Variants in ABI3BP observed in about 807,000 individuals in gnomAD.
ABI3BP encodes the protein target of Nesh-SH3.
Under a neutral mutation model 268.6 loss-of-function variants are expected in ABI3BP, and 216 were observed. The observed-to-expected ratio is 0.80, with a 90% CI of 0.72 to 0.90. The LOEUF (loss-of-function observed/expected upper bound fraction) is 0.90. Ranked by LOEUF, ABI3BP falls within the 40% of genes least tolerant of loss-of-function variation. ABI3BP has a pLI of 0.00. For synonymous variants in ABI3BP, 730 were observed against 730.0 expected, an observed-to-expected ratio of 1.00 and a Z score of 0.00; for missense variants, 2,090 against 2,182.4, an observed-to-expected ratio of 0.96 and a Z score of 0.84.
At chr3:100,774,466 G>A in intron 61 of ABI3BP, 139 bp downstream of exon 61, 1 of 619,758 alleles carries the variant, frequency 1.6e-6, no homozygotes, top group Non-Finnish European at 2.7e-6. Context: ...CAGTTGACTT[G>A]CAGACACCCA....
intron 1 of ABI3BP, among the ~76,000 whole-genome samples, chr3:100,980,225 C>A (rs2088625428): frequency 6.6e-6 from 1 of 152,114 alleles, no homozygotes; most frequent in Non-Finnish European, 1.5e-5. Context: ...GTAGGACTTT[C>A]ATCTATTTCT....
chr3:100,895,691 G>C (rs1421158210), intron 4 of ABI3BP, among the ~76,000 whole-genome samples: 1 of 152,144 alleles, frequency 6.6e-6, no homozygotes, highest in Non-Finnish European at 1.5e-5. Context: ...AACTTTAGCT[G>C]TATTAATCTT....
intron 57 of ABI3BP, among the ~76,000 whole-genome samples, chr3:100,781,549 G>A (rs1309798308): frequency 1.3e-5 from 2 of 152,118 alleles, no homozygotes; most frequent in Non-Finnish European, 2.9e-5. Flanking sequence ...CAGGGGTAGT[G>A]GGGAAGGGAA....
At chr3:100,771,604 G>C (rs2096548282) in intron 61 of ABI3BP, among the ~76,000 whole-genome samples, 1 of 152,054 alleles carries the variant, frequency 6.6e-6, no homozygotes, top group African/African-American at 2.4e-5. Flanking sequence ...CAAATTTCTA[G>C]AGATGAAAGC....
chr3:100,963,796 A>G (rs1255038875), intron 1 of ABI3BP, among the ~76,000 whole-genome samples: 4 of 152,096 alleles, frequency 2.6e-5, no homozygotes, highest in Non-Finnish European at 5.9e-5. Context: ...TCTCTCTCCT[A>G]GGGAGGCTCT....
chr3:100,823,155 C>T (rs930512844), intron 37 of ABI3BP, among the ~76,000 whole-genome samples: 2 of 152,032 alleles, frequency 1.3e-5, no homozygotes, highest in African/African-American at 4.8e-5. Flanking sequence ...AGTTAATAGC[C>T]TTATCTGTCC....
Position 100,749,575 on chromosome 3 carries a change from C to A in ABI3BP, c.*920G>T, listed in dbSNP as rs2095213266. 2.5e-6 allele frequency: 1 copy of A among 392,750 alleles called. No homozygotes were observed. Among genetic ancestry groups the A allele is most frequent in the East Asian group, 3.6e-5 (1 of 27,708 alleles). The allele number at this position is 392,750 out of a possible 1,614,324, so 24.3% of individuals were successfully genotyped here. On this transcript the variant is annotated 3_prime_UTR_variant, in exon 68 of 68. Coordinates refer to ENST00000471714, the MANE Select transcript of ABI3BP (RefSeq NM_001375547.2). ...AGATTGAATTAAACAGTTACAAAGA[C>A]ATTCTCTGATACATTCATTCATAGA...
chr3:100,832,299 GT>G lies in ABI3BP; in HGVS notation c.2365del (p.Thr789ProfsTer50). On this transcript the variant is annotated frameshift_variant, in exon 31 of 68. Transcript: ENST00000471714. LOFTEE classifies it high-confidence loss of function. ...RTRRPHPKPK[T>X]TPHPEVPQTK... ...TTGAGGTACTTCTGGATGGGGCGTG[GT>G]TTTAGGTTTGGGATGTGGACGACGG... 6.5e-7 allele frequency: 1 copy of G among 1,535,602 alleles called. No individual in the cohort carries two copies. Among genetic ancestry groups the G allele is most frequent in the Non-Finnish European group, 8.7e-7 (1 of 1,146,564 alleles).
At chr3:100,768,468 C>A (rs987268796) in intron 62 of ABI3BP, among the ~76,000 whole-genome samples, 1 of 152,068 alleles carries the variant, frequency 6.6e-6, no homozygotes, top group African/African-American at 2.4e-5. Flanking sequence ...AAGCTTTCTT[C>A]CTAATTAAAA....
chr3:100,753,082 A>G (rs1249055048), intron 65 of ABI3BP, 134 bp from the exon 66 acceptor site: 2 of 723,258 alleles, frequency 2.8e-6, no homozygotes, highest in Non-Finnish European at 4.4e-6. Context: ...CAAAAATATT[A>G]GAGGGATTTA....
rs1216133543 is a variant in ABI3BP at position 100,750,553 on chromosome 3, G to T, written c.5303C>A (p.Thr1768Asn). The change falls in exon 68 of 68, where the codon ACC (threonine) becomes AAC (asparagine). Residue 1768 changes from threonine (T) to asparagine (N), a missense_variant. By Grantham distance (65) the Thr-to-Asn change is moderately conservative (BLOSUM62 0). Coordinates refer to ENST00000471714, the MANE Select transcript of ABI3BP (RefSeq NM_001375547.2). ...ATACCACTGAACATAATTGATTTGG[G>T]TGTGACCACCTATTTCTCCAAATTG... ...PVQFGEIGGH[T>N]QINYVQWYEC... 1.2e-6 allele frequency: 2 copies of T among 1,613,028 alleles called. No homozygotes were observed. Among genetic ancestry groups the T allele is most frequent in the Non-Finnish European group, 1.7e-6 (2 of 1,179,442 alleles).
intron 1 of ABI3BP, among the ~76,000 whole-genome samples, chr3:100,992,898 G>T (rs561326818): frequency 6.6e-6 from 1 of 152,148 alleles, no homozygotes. Context: ...AAGATTCAAG[G>T]TTTCAGAACC....
intron 29 of ABI3BP, among the ~76,000 whole-genome samples, chr3:100,834,384 C>G (rs2098543627): frequency 6.6e-6 from 1 of 152,068 alleles, no homozygotes; most frequent in African/African-American, 2.4e-5. Context: ...ACAGGTTGAA[C>G]TAAATATGCT....
intron 1 of ABI3BP, among the ~76,000 whole-genome samples, chr3:100,957,914 C>T (rs188964788): frequency 6.6e-6 from 1 of 152,272 alleles, no homozygotes; most frequent in African/African-American, 2.4e-5. Flanking sequence ...GATAAAGCAT[C>T]TGGTTTTAAT....
At position 100,841,973 on chromosome 3, in the gene ABI3BP, C is replaced by T. The variant is rs775065678; in HGVS notation, c.1765+25G>A. On this transcript the variant is annotated intron_variant, in intron 21 of 67. Transcript: ENST00000471714. ...GAGAGTGTTAAAGATACTTTGTTTTCACTCATTAAAAAAAGCTTTATTACC... is the reference window on the plus strand; with the variant it reads ...GAGAGTGTTAAAGATACTTTGTTTTTACTCATTAAAAAAAGCTTTATTACC... The T allele has an allele frequency of 7.3e-6, 11 of 1,500,690 alleles. 1 individual carries two copies. The South Asian group carries it at 1.3e-4, about 18-fold the overall frequency. The allele number at this position is 1,500,690 out of a possible 1,614,324, so 93.0% of individuals were successfully genotyped here.
intron 60 of ABI3BP, 108 bp from the exon 61 acceptor site, chr3:100,774,781 T>A: frequency 1.1e-6 from 1 of 879,356 alleles, no homozygotes; most frequent in Non-Finnish European, 1.7e-6. Flanking sequence ...TGTAAACTGC[T>A]TGCAGTTTTG....
intron 2 of ABI3BP, chr3:100,911,090 G>A: frequency 3.6e-6 from 1 of 279,106 alleles, no homozygotes; most frequent in Non-Finnish European, 6.9e-6. Flanking sequence ...GTTTTACATG[G>A]TTTGTCTTAT....
At chr3:100,761,300 CAT>C (rs1469147469) in intron 63 of ABI3BP, among the ~76,000 whole-genome samples, 2 of 152,122 alleles carry the variant, frequency 1.3e-5, no homozygotes, top group African/African-American at 2.4e-5. Context: ...CCTGTGTTAA[CAT>C]CTCTTTTGCA....
At chr3:100,964,625 G>A (rs984858729) in intron 1 of ABI3BP, among the ~76,000 whole-genome samples, 11 of 152,058 alleles carry the variant, frequency 7.2e-5, no homozygotes, top group East Asian at 5.8e-4. Flanking sequence ...TTTTTGCCTC[G>A]CTAGAATGTA....
Sources: gnomAD v4.1 joint callset for allele counts (sites outside exome capture counted in the v4.1 genomes callset) on GRCh38, gnomAD v4.1.1 for gene constraint, MANE v1.5 for transcripts, NCBI Gene and HGNC (gene_info 2026-07-23, HGNC 2026-07-21) for gene names.